Variants in APBB1IP observed in about 807,000 individuals in gnomAD.
APBB1IP encodes amyloid beta precursor protein binding family B member 1 interacting protein, also known as amyloid beta A4 precursor protein-binding family B member 1-interacting protein.
Under a neutral mutation model 64.9 loss-of-function variants are expected in APBB1IP, and 27 were observed. The ratio of observed to expected loss-of-function variants is 0.42; its 90% CI spans 0.31 to 0.57. The LOEUF is 0.57. APBB1IP is among the 20% of genes least tolerant of loss of function. APBB1IP has a pLI of 0.20. For synonymous variants in APBB1IP, 392 were observed against 331.0 expected (o/e 1.18, Z -2.00); for missense variants, 812 against 845.5 (o/e 0.96, Z 0.49).
At position 26,461,157 on chromosome 10, in the gene APBB1IP, A is replaced by G. The variant is rs1482074737; in HGVS notation, c.-1+22304A>G. On this transcript the variant is annotated intron_variant, in intron 2 of 14. Coordinates refer to ENST00000376236, the MANE Select transcript of APBB1IP (RefSeq NM_019043.4). ...CACAAAAGTATTATAAAACGAAGGAAGAGAGGGAAAGAAAGAAGGAAAGAA... is the reference window on the plus strand; with the variant it reads ...CACAAAAGTATTATAAAACGAAGGAGGAGAGGGAAAGAAAGAAGGAAAGAA... 2.0e-5 allele frequency among the ~76,000 whole-genome samples: 3 copies of G among 152,190 alleles called. No individual in the cohort carries two copies. In the East Asian group the frequency reaches 5.8e-4, roughly 29 times the overall value.
At chr10:26,484,903 G>A (rs973126023) in intron 2 of APBB1IP, among the ~76,000 whole-genome samples, 1 of 152,176 alleles carries the variant, frequency 6.6e-6, no homozygotes, top group South Asian at 2.1e-4. Flanking sequence ...AACATAAAGT[G>A]TTTTTATTTA....
chr10:26,467,795 T>C (rs1183035993), intron 2 of APBB1IP, among the ~76,000 whole-genome samples: 1 of 152,208 alleles, frequency 6.6e-6, no homozygotes, highest in Admixed American at 6.5e-5. Context: ...AACCACTGTT[T>C]CTGAGAAAAT....
At chr10:26,563,095 T>G (rs1198963183) in intron 14 of APBB1IP, among the ~76,000 whole-genome samples, 1 of 152,206 alleles carries the variant, frequency 6.6e-6, no homozygotes, top group Non-Finnish European at 1.5e-5. Context: ...GGATTTTACT[T>G]GCCTTTTTTG....
At chr10:26,448,008 G>T (rs1029516007) in intron 2 of APBB1IP, among the ~76,000 whole-genome samples, 11 of 151,910 alleles carry the variant, frequency 7.2e-5, no homozygotes, top group African/African-American at 2.2e-4. Context: ...TGGATCAAAT[G>T]ATTATTTTTG....
chr10:26,456,825 G>A (rs1332151782), intron 2 of APBB1IP, among the ~76,000 whole-genome samples: 1 of 151,652 alleles, frequency 6.6e-6, no homozygotes. Flanking sequence ...GGAGAGATTG[G>A]AGATAGGAAG....
At chr10:26,492,965 A>G (rs1361168334) in intron 3 of APBB1IP, among the ~76,000 whole-genome samples, 3 of 152,272 alleles carry the variant, frequency 2.0e-5, no homozygotes, top group African/African-American at 7.2e-5. Flanking sequence ...AGGCCAGGGC[A>G]TGTTTCATCC....
Position 26,460,461 on chromosome 10 carries a change from GC to G in APBB1IP, c.-1+21611del, listed in dbSNP as rs141568081. On this transcript the variant is annotated intron_variant, in intron 2 of 14. Coordinates refer to ENST00000376236, the MANE Select transcript of APBB1IP (RefSeq NM_019043.4). Reference sequence around the variant, plus strand: ...ATCTCTTTCCCCTTTTTTATGAGCTGCCCTCACAGTAGGATGTTATATTTTT... The same window carrying G: ...ATCTCTTTCCCCTTTTTTATGAGCTGCCTCACAGTAGGATGTTATATTTTT... 3.7e-3 allele frequency among the ~76,000 whole-genome samples: 564 copies of G among 152,172 alleles called. 1 individual carries two copies. Among genetic ancestry groups the G allele is most frequent in the African/African-American group, 0.013 (543 of 41,512 alleles).
At chr10:26,492,657 CA>C (rs1401904476) in intron 3 of APBB1IP, among the ~76,000 whole-genome samples, 1 of 151,906 alleles carries the variant, frequency 6.6e-6, no homozygotes, top group African/African-American at 2.4e-5. Flanking sequence ...ATGATACCCC[CA>C]AGCCATAAAA....
intron 8 of APBB1IP, among the ~76,000 whole-genome samples, chr10:26,517,653 G>A (rs1223855702): frequency 2.6e-5 from 4 of 152,150 alleles, no homozygotes; most frequent in Admixed American, 1.3e-4. Flanking sequence ...CATGTTGCCC[G>A]GGTTGGTTTT....
chr10:26,511,435 T>C (rs1181344075), intron 6 of APBB1IP, among the ~76,000 whole-genome samples: 5 of 152,210 alleles, frequency 3.3e-5, no homozygotes, highest in Admixed American at 6.5e-5. Context: ...GGAAAGATTA[T>C]TGGGAAAGAA....
chr10:26,558,712 G>T (rs1039920895), intron 11 of APBB1IP, among the ~76,000 whole-genome samples: 1 of 152,064 alleles, frequency 6.6e-6, no homozygotes, highest in Non-Finnish European at 1.5e-5. Context: ...AGGAGTTAGA[G>T]GCTGCAGTGA....
chr10:26,523,919 A>G (rs1836437423), intron 8 of APBB1IP, among the ~76,000 whole-genome samples: 1 of 152,202 alleles, frequency 6.6e-6, no homozygotes, highest in South Asian at 2.1e-4. Context: ...TGCTTTACAA[A>G]GCCATTGTGC....
intron 11 of APBB1IP, among the ~76,000 whole-genome samples, chr10:26,556,537 GC>G (rs1836897253): frequency 6.6e-6 from 1 of 152,214 alleles, no homozygotes; most frequent in South Asian, 2.1e-4. Context: ...TCATCAGGGG[GC>G]TGTTTTATGT....
At chr10:26,535,563 A>AT (rs1404766221) in intron 9 of APBB1IP, among the ~76,000 whole-genome samples, 3 of 151,978 alleles carry the variant, frequency 2.0e-5, no homozygotes, top group African/African-American at 4.8e-5. Context: ...CATTCTTTCT[A>AT]TTTTTTTGTA....
At chr10:26,518,494 A>G (rs150721572) in intron 8 of APBB1IP, among the ~76,000 whole-genome samples, 1 of 152,306 alleles carries the variant, frequency 6.6e-6, no homozygotes, top group East Asian at 1.9e-4. Context: ...GATACTGCCA[A>G]GCAGCTTTCA....
chr10:26,465,993 C>T (rs1835643672), intron 2 of APBB1IP, among the ~76,000 whole-genome samples: 1 of 152,126 alleles, frequency 6.6e-6, no homozygotes, highest in Non-Finnish European at 1.5e-5. Context: ...GTCAGGAATT[C>T]CGACAGTCCA....
chr10:26,478,287 T>C (rs1835798261), intron 2 of APBB1IP, among the ~76,000 whole-genome samples: 1 of 152,144 alleles, frequency 6.6e-6, no homozygotes, highest in South Asian at 2.1e-4. Flanking sequence ...GAGTTACAGC[T>C]GGGAGGCTCA....
At chr10:26,504,806 A>G (rs1298764670) in intron 6 of APBB1IP, among the ~76,000 whole-genome samples, 4 of 152,164 alleles carry the variant, frequency 2.6e-5, no homozygotes, top group Non-Finnish European at 4.4e-5. Flanking sequence ...GTCTTGTTCT[A>G]TCACCCAGGC....
chr10:26,562,203 GA>G, intron 13 of APBB1IP, 122 bp from the exon 14 acceptor site: 1 of 718,252 alleles, frequency 1.4e-6, no homozygotes. Context: ...TTTTTTGTAA[GA>G]ACTAGCCAAC....
Sources: allele counts gnomAD v4.1 joint callset (sites outside exome capture counted in the v4.1 genomes callset), GRCh38; gene constraint gnomAD v4.1.1; transcripts MANE v1.5; gene names NCBI Gene and HGNC (gene_info 2026-07-23, HGNC 2026-07-21).